WNT7A: variants seen among roughly 807,000 people sequenced by gnomAD.
WNT7A encodes the protein Wnt family member 7A.
Under a neutral mutation model 28.2 loss-of-function variants are expected in WNT7A, and 16 were observed. The observed-to-expected ratio is 0.57, with a 90% CI of 0.38 to 0.86. The LOEUF (loss-of-function observed/expected upper bound fraction) is 0.86, where lower values mean the gene tolerates loss of function less well. Ranked by LOEUF, WNT7A falls within the 40% of genes least tolerant of loss-of-function variation. The pLI is 0.00. For synonymous variants in WNT7A, 190 were observed against 195.9 expected (o/e 0.97, Z 0.25); for missense variants, 411 against 489.7 (o/e 0.84, Z 1.52).
intron 2 of WNT7A, among the ~76,000 whole-genome samples, chr3:13,857,188 T>C (rs1039580540): frequency 5.3e-5 from 8 of 151,992 alleles, no homozygotes; most frequent in Non-Finnish European, 7.4e-5. Flanking sequence ...GACCAGGCCA[T>C]AGGAGGACAA....
chr3:13,859,246 T>A (rs189906847), intron 2 of WNT7A, among the ~76,000 whole-genome samples: 2 of 152,274 alleles, frequency 1.3e-5, no homozygotes, highest in East Asian at 1.9e-4. Flanking sequence ...AGGGACCATA[T>A]CTGTCACTCC....
chr3:13,844,564 C>G (rs980735762), intron 3 of WNT7A, among the ~76,000 whole-genome samples: 2 of 152,160 alleles, frequency 1.3e-5, no homozygotes, highest in African/African-American at 4.8e-5. Context: ...ACCAAGGGTC[C>G]CCAAGGATGT....
intron 2 of WNT7A, among the ~76,000 whole-genome samples, chr3:13,865,102 G>A (rs545080661): frequency 2.0e-5 from 3 of 152,320 alleles, no homozygotes; most frequent in Non-Finnish European, 2.9e-5. Flanking sequence ...ATTCCCCAGT[G>A]TGTGTGCCCC....
At chr3:13,854,993 C>T (rs1694706691) in intron 2 of WNT7A, among the ~76,000 whole-genome samples, 190 bp from the exon 3 acceptor site, 1 of 152,220 alleles carries the variant, frequency 6.6e-6, no homozygotes, top group Non-Finnish European at 1.5e-5. Flanking sequence ...ATTACACACA[C>T]ATCCATTCAA....
chr3:13,877,017 G>C (rs1415706397), intron 1 of WNT7A: 1 of 152,214 alleles, frequency 6.6e-6, no homozygotes, highest in African/African-American at 2.4e-5. Context: ...TGAGGGCAGG[G>C]AGGCTGTCTG....
In WNT7A at chr3:13,817,866, G is replaced by C. The variant is rs1694034094; in HGVS notation, c.*1078C>G. 1 of 152,160 alleles carries C rather than the reference G, an allele frequency of 6.6e-6. No homozygotes were observed. Among genetic ancestry groups the C allele is most frequent in the Non-Finnish European group, 1.5e-5 (1 of 68,042 alleles). 9.4% of individuals were successfully genotyped at this position (152,160 alleles called of 1,614,324 possible). On this transcript the variant is annotated 3_prime_UTR_variant, in exon 4 of 4. Coordinates refer to ENST00000285018, the MANE Select transcript of WNT7A (RefSeq NM_004625.4). ...CTCAGTGGCCCTGCTTGAAAGGCCT[G>C]AGCTTAACAGGCTGAGGCTGGGGAT...
chr3:13,830,601 CAGG>C (rs750342534), intron 3 of WNT7A, among the ~76,000 whole-genome samples: 92 of 152,168 alleles, frequency 6.0e-4, no homozygotes, highest in Non-Finnish European at 1.2e-3. Context: ...GACTGGAGGG[CAGG>C]AGAAGATACA....
intron 3 of WNT7A, among the ~76,000 whole-genome samples, chr3:13,825,731 G>T (rs1694183672): frequency 6.6e-6 from 1 of 152,186 alleles, no homozygotes; most frequent in African/African-American, 2.4e-5. Flanking sequence ...ATAAAGGTCT[G>T]GCCATTTTAG....
chr3:13,836,035 G>A (rs1200584803), intron 3 of WNT7A, among the ~76,000 whole-genome samples: 1 of 152,112 alleles, frequency 6.6e-6, no homozygotes, highest in African/African-American at 2.4e-5. Flanking sequence ...GGAATGAGGA[G>A]TGACTACTAG....
At chr3:13,852,615 C>T (rs193139464) in intron 3 of WNT7A, among the ~76,000 whole-genome samples, 40 of 152,256 alleles carry the variant, frequency 2.6e-4, no homozygotes, top group African/African-American at 8.4e-4. Context: ...TTCCTGCCCT[C>T]GTCGGGGCCC....
At chr3:13,832,244 C>T (rs1481286298) in intron 3 of WNT7A, among the ~76,000 whole-genome samples, 1 of 150,828 alleles carries the variant, frequency 6.6e-6, no homozygotes, top group African/African-American at 2.4e-5. Context: ...TTCTCCCCCT[C>T]CTCCTCCTCT....
Position 13,854,731 on chromosome 3 carries a change from G to T in WNT7A, c.371C>A (p.Thr124Asn). 1 of 1,614,088 alleles carries T rather than the reference G, an allele frequency of 6.2e-7. No individual in the cohort carries two copies. Among genetic ancestry groups the T allele is most frequent in the South Asian group, 1.1e-5 (1 of 91,088 alleles). Residue 124 changes from threonine to asparagine, a missense_variant, in exon 3 of 4, where the codon ACC (threonine) becomes AAC (asparagine). Transcript: ENST00000285018. ...GVAHAITAAC[T>N]QGNLSDCGCD... The stretch of plus-strand genomic sequence containing the variant: ...GCCACAGTCGCTCAGGTTGCCCTGG[G>T]TACAGGCAGCTGTGATGGCGTGGGC...
intron 2 of WNT7A, among the ~76,000 whole-genome samples, chr3:13,872,658 C>T (rs2124877966): frequency 6.6e-6 from 1 of 152,316 alleles, no homozygotes. Flanking sequence ...GCCTCTGCTC[C>T]TCCCTGGTGT....
chr3:13,843,949 T>G (rs956853807), intron 3 of WNT7A, among the ~76,000 whole-genome samples: 3 of 152,204 alleles, frequency 2.0e-5, no homozygotes, highest in Admixed American at 6.5e-5. Flanking sequence ...TTTCTCCATG[T>G]TGGCCAGGCT....
At chr3:13,845,148 T>A (rs181138607) in intron 3 of WNT7A, among the ~76,000 whole-genome samples, 1 of 152,358 alleles carries the variant, frequency 6.6e-6, no homozygotes, top group Admixed American at 6.5e-5. Context: ...ACACTGGGAA[T>A]TCCTTCCAAG....
At position 13,817,423 on chromosome 3, in the gene WNT7A, T is replaced by TACACACAC. The variant is rs56090932; in HGVS notation, c.*1513_*1520dup. On this transcript the variant is annotated 3_prime_UTR_variant, in exon 4 of 4. Coordinates refer to ENST00000285018, the MANE Select transcript of WNT7A (RefSeq NM_004625.4). ...CACTCAAGTCCCTAAGAAGATACAGTACACACACACACACACACACACACA... is the reference window on the plus strand; with the variant it reads ...CACTCAAGTCCCTAAGAAGATACAGTACACACACACACACACACACACACACACACACA... 19 of 143,428 alleles carry TACACACAC rather than the reference T, an allele frequency of 1.3e-4. 1 individual carries two copies. The highest frequency in any genetic ancestry group is 2.6e-4 in the Non-Finnish European group (17 of 64,770). 8.9% of individuals were successfully genotyped at this position (143,428 alleles called of 1,614,324 possible).
intron 1 of WNT7A, among the ~76,000 whole-genome samples, chr3:13,876,697 G>A (rs768134991): frequency 1.1e-4 from 17 of 151,802 alleles, no homozygotes; most frequent in Non-Finnish European, 1.8e-4. Flanking sequence ...CTCCTGCCAC[G>A]TGCCAGCCTT....
intron 3 of WNT7A, among the ~76,000 whole-genome samples, chr3:13,823,705 A>T (rs966810245): frequency 6.6e-6 from 1 of 152,232 alleles, no homozygotes; most frequent in African/African-American, 2.4e-5. Flanking sequence ...TGATGCTGAG[A>T]TATCACAATA....
chr3:13,878,138 C>T (rs575560689), intron 1 of WNT7A, among the ~76,000 whole-genome samples: 1 of 152,208 alleles, frequency 6.6e-6, no homozygotes, highest in Admixed American at 6.5e-5. Flanking sequence ...CCCTCCCTGC[C>T]GGGCAGCTGG....
Sources: gnomAD v4.1 joint callset for allele counts (sites outside exome capture counted in the v4.1 genomes callset) on GRCh38, gnomAD v4.1.1 for gene constraint, MANE v1.5 for transcripts, NCBI Gene and HGNC (gene_info 2026-07-23, HGNC 2026-07-21) for gene names.